The following SMG6 variants were observed in gnomAD, a reference collection of about 807,000 sequenced individuals.
SMG6 encodes the protein SMG6 nonsense mediated mRNA decay factor.
SMG6 carries 66 observed loss-of-function variants against 142.2 expected under a neutral mutation model. The ratio of observed to expected loss-of-function variants is 0.46; its 90% confidence interval spans 0.38 to 0.57. SMG6 has a LOEUF of 0.57. Among genes scored for constraint, SMG6 ranks in the 20% least tolerant of loss-of-function variants. The pLI is 0.00. For missense variants in SMG6, 1,793 were observed against 1,832.0 expected, an observed-to-expected ratio of 0.98 and a Z score of 0.39; for synonymous variants, 779 against 702.4, an observed-to-expected ratio of 1.11 and a Z score of -1.72.
At chr17:2,283,513 T>G in intron 7 of SMG6, 112 bp downstream of exon 7, 2 of 832,458 alleles carry the variant, frequency 2.4e-6, no homozygotes, top group Non-Finnish European at 2.0e-6. Context: ...TAACTGCACC[T>G]TGGATAAACC....
At chr17:2,207,117 CAAA>C in intron 10 of SMG6, among the ~76,000 whole-genome samples, 1 of 79,794 alleles carries the variant, frequency 1.3e-5, no homozygotes, top group Non-Finnish European at 2.4e-5. Flanking sequence ...ACTAAAAATC[CAAA>C]AAAAAAAAAA....
Position 2,105,083 on chromosome 17 carries a change from A to ATTTT in SMG6, c.3358-19186_3358-19183dup, listed in dbSNP as rs549898049. ...AGGTATGCACCACCACACCCAGCTA[A>ATTTT]TTTTTTTTTTTTTTTTTTTTTTTTG... On this transcript the variant is annotated intron_variant, in intron 13 of 18. Coordinates refer to ENST00000263073, the MANE Select transcript of SMG6 (RefSeq NM_017575.5). Among the ~76,000 whole-genome samples, 670 of 103,150 alleles carry ATTTT rather than the reference A, an allele frequency of 6.5e-3. 3 individuals are homozygous for ATTTT. The highest frequency in any genetic ancestry group is 7.3e-3 in the Non-Finnish European group (413 of 56,338). The allele number at this position is 103,150 out of a possible 152,430, so 67.7% of individuals were successfully genotyped here.
At chr17:2,292,522 C>G (rs1438454195) in intron 6 of SMG6, 30 bp downstream of exon 6, 1 of 1,605,194 alleles carries the variant, frequency 6.2e-7, no homozygotes, top group Non-Finnish European at 8.5e-7. Flanking sequence ...TCCTGCAAAG[C>G]ACTTTTCCCC....
chr17:2,237,635 G>C, intron 9 of SMG6: 1 of 879,292 alleles, frequency 1.1e-6, no homozygotes, highest in South Asian at 5.2e-5. Context: ...CCCAATACAG[G>C]AAGAGGCTGT....
At chr17:2,286,128 G>T (rs1344489871) in intron 6 of SMG6, among the ~76,000 whole-genome samples, 3 of 152,058 alleles carry the variant, frequency 2.0e-5, no homozygotes, top group Admixed American at 6.6e-5. Context: ...ATTAAAGAAC[G>T]AAGTAAATGA....
At chr17:2,287,438 G>A (rs993007410) in intron 6 of SMG6, among the ~76,000 whole-genome samples, 1 of 152,208 alleles carries the variant, frequency 6.6e-6, no homozygotes, top group Non-Finnish European at 1.5e-5. Context: ...AGCCTTGCAT[G>A]CTGTTGGTTG....
chr17:2,222,156 A>C (rs1231207), intron 10 of SMG6, among the ~76,000 whole-genome samples: 111,948 of 151,964 alleles, frequency 0.74, 41,721 homozygotes, highest in African/African-American at 0.8. Context: ...AGACCCCTAT[A>C]AGCAGGGAGC....
intron 10 of SMG6, among the ~76,000 whole-genome samples, chr17:2,211,072 T>C (rs1367436866): frequency 3.7e-5 from 5 of 136,780 alleles, no homozygotes; most frequent in Non-Finnish European, 4.7e-5. Context: ...TTCAAATACA[T>C]AGAACTTCCT....
At chr17:2,272,640 T>C (rs750468570) in intron 8 of SMG6, among the ~76,000 whole-genome samples, 31 of 152,170 alleles carry the variant, frequency 2.0e-4, no homozygotes, top group Non-Finnish European at 4.0e-4. Flanking sequence ...TTTCAGGTCA[T>C]ACTTAGAAGT....
chr17:2,235,725 C>T (rs1444365313), intron 10 of SMG6: 1 of 152,542 alleles, frequency 6.6e-6, no homozygotes, highest in East Asian at 1.9e-4. Context: ...TACATAATTC[C>T]ATCAAGTCAT....
chr17:2,126,638 C>A (rs2069887323), intron 13 of SMG6, among the ~76,000 whole-genome samples: 1 of 151,610 alleles, frequency 6.6e-6, no homozygotes, highest in South Asian at 2.1e-4. Flanking sequence ...ATCACTTGAA[C>A]CCGGGAGGTG....
At chr17:2,243,652 C>T (rs1005101814) in intron 9 of SMG6, among the ~76,000 whole-genome samples, 1 of 152,164 alleles carries the variant, frequency 6.6e-6, no homozygotes, top group African/African-American at 2.4e-5. Flanking sequence ...TGCACTCCAG[C>T]CTGGGCAAGA....
At chr17:2,219,062 C>T (rs2073099291) in intron 10 of SMG6, among the ~76,000 whole-genome samples, 1 of 152,190 alleles carries the variant, frequency 6.6e-6, no homozygotes, top group Non-Finnish European at 1.5e-5. Flanking sequence ...TGAAGGCCTA[C>T]ATTGTGCCAA....
At chr17:2,239,566 A>G (rs1232013890) in intron 9 of SMG6, among the ~76,000 whole-genome samples, 2 of 152,160 alleles carry the variant, frequency 1.3e-5, no homozygotes, top group African/African-American at 2.4e-5. Flanking sequence ...AAAGCAATAG[A>G]AAAAAAGTGT....
chr17:2,142,579 C>G (rs2151577338), intron 13 of SMG6, among the ~76,000 whole-genome samples: 1 of 151,738 alleles, frequency 6.6e-6, no homozygotes, highest in African/African-American at 2.4e-5. Flanking sequence ...AAAGACAACC[C>G]AATTTTAAAA....
rs528172790 is a variant in SMG6, at chr17:2,206,947, TA to T, written c.2870-18433del. 4.5e-3 allele frequency among the ~76,000 whole-genome samples: 674 copies of T among 151,260 alleles called. 9 individuals carry two copies. The highest frequency in any genetic ancestry group is 7.7e-3 in the Non-Finnish European group (519 of 67,814). ...AAAACAAATAAAGATGAAAGTAAAA[TA>T]TTTTTTAAAAAGATCTATAAAACTA... On this transcript the variant is annotated intron_variant, in intron 10 of 18. Transcript: ENST00000263073.
At chr17:2,106,728 T>C (rs2069166344) in intron 13 of SMG6, among the ~76,000 whole-genome samples, 1 of 152,168 alleles carries the variant, frequency 6.6e-6, no homozygotes, top group Non-Finnish European at 1.5e-5. Flanking sequence ...AGGAAAATGT[T>C]TCAAAGCTGA....
intron 9 of SMG6, among the ~76,000 whole-genome samples, chr17:2,240,508 A>G (rs1470828228): frequency 6.6e-6 from 1 of 152,134 alleles, no homozygotes; most frequent in African/African-American, 2.4e-5. Context: ...TCATAGTACT[A>G]CAGAACATAA....
At chr17:2,103,986 C>G (rs538365711) in intron 13 of SMG6, among the ~76,000 whole-genome samples, 140 of 146,638 alleles carry the variant, frequency 9.5e-4, no homozygotes, top group Non-Finnish European at 1.7e-3. Context: ...GAATCTTGTT[C>G]TGTAGCCCAG....
Sources: gnomAD v4.1 joint callset for allele counts (sites outside exome capture counted in the v4.1 genomes callset) on GRCh38, gnomAD v4.1.1 for gene constraint, MANE v1.5 for transcripts, NCBI Gene and HGNC (gene_info 2026-07-23, HGNC 2026-07-21) for gene names.